The following SDK1 variants were observed in gnomAD, a reference collection of about 807,000 sequenced individuals.
SDK1 encodes sidekick cell adhesion molecule 1.
A neutral mutation model predicts 245.5 loss-of-function variants in SDK1; 157 were observed. The observed-to-expected ratio is 0.64, with a 90% CI of 0.56 to 0.73. The LOEUF is 0.73. SDK1 is among the 30% of genes least tolerant of loss of function. The pLI is 0.00. For synonymous variants in SDK1, 1,647 were observed against 1,278.5 expected (o/e 1.29, Z -6.15); for missense variants, 3,583 against 3,002.3 (o/e 1.19, Z -4.52).
At chr7:3,514,447 G>A (rs1177267683) in intron 1 of SDK1, among the ~76,000 whole-genome samples, 1 of 152,194 alleles carries the variant, frequency 6.6e-6, no homozygotes, top group Non-Finnish European at 1.5e-5. Flanking sequence ...GCAAGGGAAA[G>A]GTTTGTTTCT....
chr7:3,747,617 G>T (rs1779662417), intron 4 of SDK1, among the ~76,000 whole-genome samples: 1 of 152,168 alleles, frequency 6.6e-6, no homozygotes, highest in South Asian at 2.1e-4. Context: ...GGGGCAAAGG[G>T]AAATAATCAC....
intron 5 of SDK1, among the ~76,000 whole-genome samples, chr7:3,950,432 GGA>G (rs1290833478): frequency 3.9e-5 from 6 of 152,272 alleles, no homozygotes; most frequent in African/African-American, 1.4e-4. Context: ...TCCGAAAATA[GGA>G]GAGTACAGCA....
At chr7:3,453,771 G>C (rs1388009828) in intron 1 of SDK1, among the ~76,000 whole-genome samples, 1 of 152,074 alleles carries the variant, frequency 6.6e-6, no homozygotes, top group African/African-American at 2.4e-5. Context: ...CATAGAAACA[G>C]GGTCTTGCTA....
intron 5 of SDK1, among the ~76,000 whole-genome samples, chr7:3,906,600 A>G (rs1177043902): frequency 1.4e-5 from 2 of 145,228 alleles, no homozygotes; most frequent in Admixed American, 1.4e-4. Flanking sequence ...TCCAAGACAC[A>G]GGTAGCATTT....
chr7:3,436,979 A>G (rs1780047431), intron 1 of SDK1, among the ~76,000 whole-genome samples: 1 of 152,202 alleles, frequency 6.6e-6, no homozygotes, highest in Admixed American at 6.5e-5. Context: ...ATTAGTCACA[A>G]TAAAAAAAAT....
intron 1 of SDK1, among the ~76,000 whole-genome samples, chr7:3,503,363 C>T (rs1238011585): frequency 2.0e-5 from 3 of 152,190 alleles, no homozygotes; most frequent in Non-Finnish European, 2.9e-5. Flanking sequence ...CCTTACACAA[C>T]TGTGAACATT....
rs370184000 is a variant in SDK1, at chr7:3,910,382, G to A, written c.848-40541G>A. On this transcript the variant is annotated intron_variant, in intron 5 of 44. Coordinates refer to ENST00000404826, the MANE Select transcript of SDK1 (RefSeq NM_152744.4). ...AAAGACTCTCTGTGTTGGAGAATTT[G>A]CATGTGTAGGGAAAATAGCTGCATA... is the stretch of plus-strand genomic sequence containing the variant. Among the ~76,000 whole-genome samples, 565 of 152,320 alleles carry A rather than the reference G, an allele frequency of 3.7e-3. 8 individuals carry two copies. The highest frequency in any genetic ancestry group is 0.013 in the African/African-American group (553 of 41,566).
Position 4,205,869 on chromosome 7 carries a change from C to T in SDK1, c.5099-10C>T, listed in dbSNP as rs1190873236. 11 of 1,550,468 alleles carry T rather than the reference C, an allele frequency of 7.1e-6. No individual in the cohort carries two copies. Among genetic ancestry groups the T allele is most frequent in the Non-Finnish European group, 9.6e-6 (11 of 1,145,948 alleles). On this transcript the variant is annotated splice_polypyrimidine_tract_variant and intron_variant, in intron 35 of 44. Coordinates refer to ENST00000404826, the MANE Select transcript of SDK1 (RefSeq NM_152744.4). ...CGTCTCAGCTTCTCTCCGCATTGCT[C>T]TTTCCTCAGCCCCGGCCATGGCCCC...
chr7:3,359,382 T>G (rs1338695462), intron 1 of SDK1, among the ~76,000 whole-genome samples: 2 of 152,200 alleles, frequency 1.3e-5, no homozygotes, highest in Non-Finnish European at 2.9e-5. Flanking sequence ...GGTTAAGTTT[T>G]CGTTGTTGTT....
intron 4 of SDK1, among the ~76,000 whole-genome samples, chr7:3,701,140 A>G (rs993538754): frequency 3.9e-5 from 6 of 152,218 alleles, no homozygotes; most frequent in African/African-American, 1.4e-4. Flanking sequence ...AATCAATCAC[A>G]TTTCTATACA....
At chr7:3,583,105 C>T (rs902989660) in intron 1 of SDK1, among the ~76,000 whole-genome samples, 2 of 152,042 alleles carry the variant, frequency 1.3e-5, no homozygotes, top group East Asian at 1.9e-4. Context: ...TGTTGGAGAC[C>T]GGAGGTATCG....
rs1015968257 is a variant in SDK1 at position 4,174,398 on chromosome 7, C to T, written c.4936+41C>T. ...CTGTCCTGGTACAGGGAGGGAGGTT[C>T]CCAGGGGACCCTTGGTATCTGCTCA... On this transcript the variant is annotated intron_variant, in intron 33 of 44. Transcript: ENST00000404826. The T allele has an allele frequency of 3.7e-6, 6 of 1,604,878 alleles. No homozygotes were observed. In the African/African-American group the frequency reaches 6.7e-5, roughly 18 times the overall value.
At chr7:4,196,712 C>T (rs1300044922) in intron 35 of SDK1, among the ~76,000 whole-genome samples, 1 of 152,206 alleles carries the variant, frequency 6.6e-6, no homozygotes, top group Non-Finnish European at 1.5e-5. Flanking sequence ...TGCCTGCTGA[C>T]CTGCCCGTGG....
intron 1 of SDK1, among the ~76,000 whole-genome samples, chr7:3,408,309 G>C (rs1277008783): frequency 1.3e-5 from 2 of 152,066 alleles, no homozygotes; most frequent in African/African-American, 2.4e-5. Flanking sequence ...CTCCCAAAGT[G>C]GCTGGGATTA....
chr7:3,443,513 A>C (rs184563771), intron 1 of SDK1, among the ~76,000 whole-genome samples: 5 of 152,174 alleles, frequency 3.3e-5, no homozygotes, highest in Non-Finnish European at 5.9e-5. Flanking sequence ...AGATGATGTG[A>C]TCTGATTTTG....
At chr7:3,824,640 T>C (rs1363626908) in intron 5 of SDK1, among the ~76,000 whole-genome samples, 1 of 152,204 alleles carries the variant, frequency 6.6e-6, no homozygotes, top group Non-Finnish European at 1.5e-5. Flanking sequence ...GTCACCCAGC[T>C]AACAGGAGGA....
At chr7:3,985,107 G>C (rs1210688145) in intron 13 of SDK1, among the ~76,000 whole-genome samples, 1 of 152,138 alleles carries the variant, frequency 6.6e-6, no homozygotes, top group Non-Finnish European at 1.5e-5. Context: ...CCCATGACTG[G>C]CCTTCCCAGC....
At chr7:4,249,724 C>T (rs1404548323) in intron 44 of SDK1, among the ~76,000 whole-genome samples, 1 of 152,180 alleles carries the variant, frequency 6.6e-6, no homozygotes, top group Non-Finnish European at 1.5e-5. Context: ...CTGCATCCTG[C>T]TTTTGAAGCT....
chr7:3,643,148 C>T (rs1043985102), intron 4 of SDK1: 1 of 151,882 alleles, frequency 6.6e-6, no homozygotes, highest in Non-Finnish European at 1.5e-5. Flanking sequence ...TGATTCTCCT[C>T]TCCACCCCTA....
Sources: gnomAD v4.1 joint callset for allele counts (sites outside exome capture counted in the v4.1 genomes callset) on GRCh38, gnomAD v4.1.1 for gene constraint, MANE v1.5 for transcripts, NCBI Gene and HGNC (gene_info 2026-07-23, HGNC 2026-07-21) for gene names.